The following RTRAF variants were observed in gnomAD, a reference collection of about 807,000 sequenced individuals.
RTRAF encodes tRNA-splicing ligase complex subunit RTRAF.
A neutral mutation model predicts 34.4 loss-of-function variants in RTRAF; 14 were observed. That is an observed-to-expected ratio of 0.41 (90% CI 0.27 to 0.64). The LOEUF (loss-of-function observed/expected upper bound fraction) is 0.64. Ranked by LOEUF, RTRAF falls within the 30% of genes least tolerant of loss-of-function variation. RTRAF has a pLI of 0.34. For synonymous variants in RTRAF, 96 were observed against 95.3 expected (o/e 1.01, Z -0.04); for missense variants, 291 against 288.4 (o/e 1.01, Z -0.06).
chr14:52,006,409 G>A lies in RTRAF; in HGVS notation c.*1893G>A. ...TTGAAGGATCTTATCTGCCAATGAGGAGGTGATGAAACAAAAGCCTCAGAG... is the reference window on the plus strand; with the variant it reads ...TTGAAGGATCTTATCTGCCAATGAGAAGGTGATGAAACAAAAGCCTCAGAG... On this transcript the variant is annotated 3_prime_UTR_variant, in exon 8 of 8. Transcript: ENST00000261700. 1.1e-6 allele frequency: 1 copy of A among 924,202 alleles called. No homozygotes were observed. The highest frequency in any genetic ancestry group is 1.7e-6 in the Non-Finnish European group (1 of 601,222). 57.3% of individuals were successfully genotyped at this position (924,202 alleles called of 1,614,324 possible).
At chr14:51,993,905 T>C (rs1448436748) in intron 3 of RTRAF, 83 bp downstream of exon 3, 1 of 805,136 alleles carries the variant, frequency 1.2e-6, no homozygotes, top group Non-Finnish European at 2.0e-6. Flanking sequence ...CTTTGCAGTT[T>C]GTTTTGTCTA....
chr14:52,006,784 G>A lies in RTRAF; in HGVS notation c.*2268G>A. ...ATATTTTACTTCCATTACAGTCATA[G>A]ATTAGCAACTGTAAAATTACCTGTC... On this transcript the variant is annotated 3_prime_UTR_variant, in exon 8 of 8. Transcript: ENST00000261700. 9.9e-7 allele frequency: 1 copy of A among 1,012,624 alleles called. No homozygotes were observed. Among genetic ancestry groups the A allele is most frequent in the Non-Finnish European group, 1.5e-6 (1 of 688,080 alleles). The allele number at this position is 1,012,624 out of a possible 1,614,324, so 62.7% of individuals were successfully genotyped here.
In RTRAF at chr14:52,006,856, T is replaced by G. The variant is rs541001935; in HGVS notation, c.*2340T>G. On this transcript the variant is annotated 3_prime_UTR_variant, in exon 8 of 8. Coordinates refer to ENST00000261700, the MANE Select transcript of RTRAF (RefSeq NM_016039.3). ...TAGTAGAGATTCAAACTTTCAATCC[T>G]TTTTTGGAAGACAGGATTGCATTTA... 2.2e-6 allele frequency: 1 copy of G among 447,474 alleles called. No homozygotes were observed. Among genetic ancestry groups the G allele is most frequent in the East Asian group, 4.1e-5 (1 of 24,142 alleles). The allele number at this position is 447,474 out of a possible 1,614,324, so 27.7% of individuals were successfully genotyped here. A position where few individuals can be genotyped will look rare whatever the true frequency, so the allele number is the denominator to read the frequency against.
At chr14:51,996,608 A>AT (rs755474313) in intron 3 of RTRAF, among the ~76,000 whole-genome samples, 2 of 152,056 alleles carry the variant, frequency 1.3e-5, no homozygotes, top group Non-Finnish European at 2.9e-5. Flanking sequence ...CCTTCTCTCT[A>AT]CACAGAGGCA....
At position 52,005,731 on chromosome 14, in the gene RTRAF, T is replaced by C; in HGVS notation, c.*1215T>C. On this transcript the variant is annotated 3_prime_UTR_variant, in exon 8 of 8. Transcript: ENST00000261700. ...TTAAAGGAGCATCCTAAAGCATACT[T>C]TTTACCTGTTGGGCAGTAGGGGTAG... 5 of 1,606,618 alleles carry C rather than the reference T, an allele frequency of 3.1e-6. No individual in the cohort carries two copies. The highest frequency in any genetic ancestry group is 4.3e-6 in the Non-Finnish European group (5 of 1,173,202).
chr14:52,001,306 C>T (rs558105146), intron 5 of RTRAF, among the ~76,000 whole-genome samples: 3 of 152,074 alleles, frequency 2.0e-5, no homozygotes, highest in African/African-American at 7.2e-5. Context: ...AAACCACCAA[C>T]GGTGTCCTTT....
chr14:52,003,719 TATAC>T (rs1890648349), intron 6 of RTRAF, among the ~76,000 whole-genome samples: 1 of 151,972 alleles, frequency 6.6e-6, no homozygotes, highest in African/African-American at 2.4e-5. Context: ...TATACATAAT[TATAC>T]ATAATCTTGG....
At chr14:52,004,310 C>G (rs1890667505) in intron 7 of RTRAF, 52 bp from the exon 8 acceptor site, 1 of 1,377,886 alleles carries the variant, frequency 7.3e-7, no homozygotes, top group Non-Finnish European at 9.9e-7. Context: ...AAATAAATGG[C>G]CTTAAATGTA....
In RTRAF at chr14:52,005,900, A is replaced by G. The variant is rs533138667; in HGVS notation, c.*1384A>G. On this transcript the variant is annotated 3_prime_UTR_variant, in exon 8 of 8. Coordinates refer to ENST00000261700, the MANE Select transcript of RTRAF (RefSeq NM_016039.3). ...TCAGGGACAGTCATTTACTAGATAA[A>G]GAAGTCAGTCAGCCACAGAAAATCA... 2.1e-5 allele frequency: 29 copies of G among 1,360,392 alleles called. No individual in the cohort carries two copies. The Admixed American group carries it at 4.6e-4, about 22-fold the overall frequency. The allele number at this position is 1,360,392 out of a possible 1,614,324, so 84.3% of individuals were successfully genotyped here. A position where few individuals can be genotyped will look rare whatever the true frequency, so the allele number is the denominator to read the frequency against.
chr14:52,000,213 G>A (rs1890579520), intron 5 of RTRAF, among the ~76,000 whole-genome samples: 1 of 152,014 alleles, frequency 6.6e-6, no homozygotes, highest in Non-Finnish European at 1.5e-5. Context: ...ATGATTCATA[G>A]TCTGCATTTG....
intron 3 of RTRAF, 199 bp from the exon 4 acceptor site, chr14:51,998,295 G>A: frequency 2.2e-6 from 1 of 454,240 alleles, no homozygotes; most frequent in Non-Finnish European, 4.0e-6. Context: ...TTAGACTTCA[G>A]TCCCATCCCC....
intron 5 of RTRAF, 79 bp downstream of exon 5, chr14:51,999,875 A>G (rs1890575033): frequency 4.0e-6 from 4 of 988,178 alleles, no homozygotes; most frequent in Non-Finnish European, 3.1e-6. Context: ...TTAACTATTG[A>G]TATTAAAATT....
chr14:52,008,100 T>C lies in RTRAF; in HGVS notation c.*3584T>C. The C allele has an allele frequency of 1.1e-5, 7 of 653,850 alleles. No individual in the cohort carries two copies. In the South Asian group the frequency reaches 1.5e-4, roughly 14 times the overall value. The allele number at this position is 653,850 out of a possible 1,614,324, so 40.5% of individuals were successfully genotyped here. On this transcript the variant is annotated 3_prime_UTR_variant, in exon 8 of 8. Transcript: ENST00000261700. Reference sequence around the variant, plus strand: ...GCAATCCCCTTGAGTTTGGGCTGCATTAGTAGTGTCTTGCTTCTTCTAGTG... The same window carrying C: ...GCAATCCCCTTGAGTTTGGGCTGCACTAGTAGTGTCTTGCTTCTTCTAGTG...
In RTRAF at chr14:52,005,902, A is replaced by AAGTC. The variant is rs3841693; in HGVS notation, c.*1393_*1396dup. ...AGGGACAGTCATTTACTAGATAAAGAAGTCAGTCAGCCACAGAAAATCAGT... is the reference window on the plus strand; with the variant it reads ...AGGGACAGTCATTTACTAGATAAAGAAGTCAGTCAGTCAGCCACAGAAAATCAGT... On this transcript the variant is annotated 3_prime_UTR_variant, in exon 8 of 8. Coordinates refer to ENST00000261700, the MANE Select transcript of RTRAF (RefSeq NM_016039.3). The AAGTC allele has an allele frequency of 2.3e-6, 3 of 1,314,856 alleles. No homozygotes were observed. Among genetic ancestry groups the AAGTC allele is most frequent in the Non-Finnish European group, 3.3e-6 (3 of 911,466 alleles). The allele number at this position is 1,314,856 out of a possible 1,614,324, so 81.4% of individuals were successfully genotyped here. A position where few individuals can be genotyped will look rare whatever the true frequency, so the allele number is the denominator to read the frequency against.
Position 52,009,794 on chromosome 14 carries a change from G to A in RTRAF, c.*5278G>A, listed in dbSNP as rs1285456473. 1 of 152,264 alleles carries A rather than the reference G, an allele frequency of 6.6e-6. No homozygotes were observed. The highest frequency in any genetic ancestry group is 1.9e-4 in the East Asian group (1 of 5,176). The allele number at this position is 152,264 out of a possible 1,614,324, so 9.4% of individuals were successfully genotyped here. The stretch of plus-strand genomic sequence containing the variant: ...GTGGATCACCCAGGGTCAGGAGTTG[G>A]AGACCAAAATGGCGAAACCCTGTCT... On this transcript the variant is annotated 3_prime_UTR_variant, in exon 8 of 8. Transcript: ENST00000261700.
At position 52,006,658 on chromosome 14, in the gene RTRAF, T is replaced by C; in HGVS notation, c.*2142T>C. On this transcript the variant is annotated 3_prime_UTR_variant, in exon 8 of 8. Transcript: ENST00000261700. ...GGTAGTGTACACTCCAGTTTTTTGGTTCCTTTTAAAACAAAGGGGGAAAAT... is the reference window on the plus strand; with the variant it reads ...GGTAGTGTACACTCCAGTTTTTTGGCTCCTTTTAAAACAAAGGGGGAAAAT... 1 of 1,613,350 alleles carries C rather than the reference T, an allele frequency of 6.2e-7. No homozygotes were observed. Among genetic ancestry groups the C allele is most frequent in the Non-Finnish European group, 8.5e-7 (1 of 1,179,464 alleles).
intron 3 of RTRAF, among the ~76,000 whole-genome samples, chr14:51,996,533 A>AAT (rs1168941057): frequency 6.6e-6 from 1 of 152,116 alleles, no homozygotes; most frequent in African/African-American, 2.4e-5. Context: ...AAAATTACAA[A>AAT]ATAGTACAAA....
In RTRAF at chr14:52,009,129, T is replaced by A. The variant is rs1890911012; in HGVS notation, c.*4613T>A. ...AGAGGAAGAAACCATAGGTTTCCCC[T>A]GTTGCGAATTTCATCCCTTATGCCC... On this transcript the variant is annotated 3_prime_UTR_variant, in exon 8 of 8. Coordinates refer to ENST00000261700, the MANE Select transcript of RTRAF (RefSeq NM_016039.3). 1 of 152,222 alleles carries A rather than the reference T, an allele frequency of 6.6e-6. No homozygotes were observed. Among genetic ancestry groups the A allele is most frequent in the South Asian group, 2.1e-4 (1 of 4,830 alleles). 9.4% of individuals were successfully genotyped at this position (152,222 alleles called of 1,614,324 possible).
chr14:51,997,501 T>A (rs1890538895), intron 3 of RTRAF, among the ~76,000 whole-genome samples: 2 of 152,082 alleles, frequency 1.3e-5, no homozygotes, highest in South Asian at 2.1e-4. Context: ...TATGCTTTTA[T>A]TTTTTCCTCG....
Sources: allele counts gnomAD v4.1 joint callset (sites outside exome capture counted in the v4.1 genomes callset), GRCh38; gene constraint gnomAD v4.1.1; transcripts MANE v1.5; gene names NCBI Gene and HGNC (gene_info 2026-07-23, HGNC 2026-07-21).